Variants in WNT10B observed in about 807,000 individuals in gnomAD.
WNT10B encodes protein Wnt-10b.
A neutral mutation model predicts 32.7 loss-of-function variants in WNT10B; 26 were observed. The observed-to-expected ratio is 0.79, with a 90% confidence interval of 0.58 to 1.10. The LOEUF is 1.10. Ranked by LOEUF, WNT10B falls within the 50% of genes least tolerant of loss-of-function variation. The pLI is 0.00. For synonymous variants in WNT10B, 204 were observed against 220.4 expected (o/e 0.93, Z 0.66); for missense variants, 474 against 532.5 (o/e 0.89, Z 1.08).
At position 48,970,179 on chromosome 12, in the gene WNT10B, A is replaced by T; in HGVS notation, c.247T>A (p.Cys83Ser). 1 of 1,566,340 alleles carries T rather than the reference A, an allele frequency of 6.4e-7. No individual in the cohort carries two copies. Among genetic ancestry groups the T allele is most frequent in the Non-Finnish European group, 8.6e-7 (1 of 1,157,444 alleles). The change falls in exon 3 of 5, where the codon TGT becomes AGT. Residue 83 changes from cysteine (C) to serine (S), a missense_variant. Transcript: ENST00000301061. This position sits in a 1 kb window ranked among gnomAD's most constrained non-coding sequence, Gnocchi z 5.0. ...LQGLHIAVHE[C>S]QHQLRDQRWN... ...CGCTGGTCGCGCAGCTGGTGCTGACACTCGTGGACCGCGATGTGCAGACCC... is the reference window on the plus strand; with the variant it reads ...CGCTGGTCGCGCAGCTGGTGCTGACTCTCGTGGACCGCGATGTGCAGACCC...
In WNT10B at chr12:48,970,787, A is replaced by C; in HGVS notation, c.-40-218T>G. 1 of 585,154 alleles carries C rather than the reference A, an allele frequency of 1.7e-6. No individual in the cohort carries two copies. Among genetic ancestry groups the C allele is most frequent in the Non-Finnish European group, 3.0e-6 (1 of 328,902 alleles). The allele number at this position is 585,154 out of a possible 1,614,324, so 36.2% of individuals were successfully genotyped here. On this transcript the variant is annotated intron_variant, in intron 1 of 4. Transcript: ENST00000301061. This position sits in a 1 kb window ranked among gnomAD's most constrained non-coding sequence, Gnocchi z 5.0. ...AGTCAAGGCGTTGTCCCAGCTCAGG[A>C]CTCAAGCGAGCACCCCTGGAACCTT...
chr12:48,970,131 C>A lies in WNT10B; in HGVS notation c.295G>T (p.Gly99Cys). Residue 99 changes from glycine (G) to cysteine (C), a missense_variant, in exon 3 of 5, where the codon GGC becomes TGC. Gly to Cys is a radical substitution (Grantham distance 159). Transcript: ENST00000301061. This position sits in a 1 kb window ranked among gnomAD's most constrained non-coding sequence, Gnocchi z 5.0. ...CTGTGGTGCGGCAGGCGGCCGCCGCCCTCAAGCGCGGAGCAGTTCCAGCGC... is the reference window on the plus strand; with the variant it reads ...CTGTGGTGCGGCAGGCGGCCGCCGCACTCAAGCGCGGAGCAGTTCCAGCGC... ...DQRWNCSALEGGGRLPHHSAI... is the reference protein window; with the variant it reads ...DQRWNCSALECGGRLPHHSAI... 6.5e-7 allele frequency: 1 copy of A among 1,531,952 alleles called. No individual in the cohort carries two copies. Among genetic ancestry groups the A allele is most frequent in the Non-Finnish European group, 8.8e-7 (1 of 1,142,376 alleles). 94.9% of individuals were successfully genotyped at this position (1,531,952 alleles called of 1,614,324 possible). A position where few individuals can be genotyped will look rare whatever the true frequency, so the allele number is the denominator to read the frequency against.
chr12:48,967,269 G>A (rs770359311), intron 4 of WNT10B, among the ~76,000 whole-genome samples: 37 of 151,592 alleles, frequency 2.4e-4, no homozygotes, highest in Admixed American at 1.4e-3. Context: ...AGGTTCAAGC[G>A]ATTCTCCTGC....
In WNT10B at chr12:48,970,204, C is replaced by T; in HGVS notation, c.222G>A (p.Gln74=). The part of the protein sequence containing the change: ...RNPDVTASAL[Q]GLHIAVHECQ... ...ACTCGTGGACCGCGATGTGCAGACC[C>T]TGAAGCGCGGACGCCGTCACGTCGG... The change falls in exon 3 of 5, where the codon CAG becomes CAA. Residue 74 remains glutamine (Q), a synonymous_variant. Coordinates refer to ENST00000301061, the MANE Select transcript of WNT10B (RefSeq NM_003394.4). The surrounding 1 kb of genome is among the most constrained non-coding windows in gnomAD (Gnocchi z 5.0). The T allele has an allele frequency of 6.3e-7, 1 of 1,590,736 alleles. No individual in the cohort carries two copies. Among genetic ancestry groups the T allele is most frequent in the Non-Finnish European group, 8.6e-7 (1 of 1,169,046 alleles).
chr12:48,968,420 C>T lies in WNT10B; in HGVS notation c.338-101G>A. 3.9e-6 allele frequency: 6 copies of T among 1,537,658 alleles called. No individual in the cohort carries two copies. The South Asian group carries it at 7.0e-5, about 18-fold the overall frequency. On this transcript the variant is annotated intron_variant, in intron 3 of 4. Coordinates refer to ENST00000301061, the MANE Select transcript of WNT10B (RefSeq NM_003394.4). ...CAGCCCCCCTCCAACTCCAGAAATT[C>T]CTAACTGAATCCTGACCCTGCCATT...
In WNT10B at chr12:48,970,410, C is replaced by T. The variant is rs1952127516; in HGVS notation, c.74+46G>A. 1 of 1,613,774 alleles carries T rather than the reference C, an allele frequency of 6.2e-7. No individual in the cohort carries two copies. The highest frequency in any genetic ancestry group is 8.5e-7 in the Non-Finnish European group (1 of 1,179,930). On this transcript the variant is annotated intron_variant, in intron 2 of 4. Coordinates refer to ENST00000301061, the MANE Select transcript of WNT10B (RefSeq NM_003394.4). The surrounding 1 kb of genome is among the most constrained non-coding windows in gnomAD (Gnocchi z 5.0). ...CCAGACCCCTCCAACTCTCCCCACC[C>T]CGGGTCGGTGTTTCTATGGCCTGGG... is the stretch of plus-strand genomic sequence containing the variant.
Position 48,970,664 on chromosome 12 carries a change from C to G in WNT10B, c.-40-95G>C. On this transcript the variant is annotated intron_variant, in intron 1 of 4. Coordinates refer to ENST00000301061, the MANE Select transcript of WNT10B (RefSeq NM_003394.4). The surrounding 1 kb of genome is among the most constrained non-coding windows in gnomAD (Gnocchi z 5.0). ...TCTTCGGGCTCCTAACCCACCGGTG[C>G]CACCCTACTGACCCTTCTCATTCCT... 1.1e-6 allele frequency: 1 copy of G among 900,132 alleles called. No homozygotes were observed. The highest frequency in any genetic ancestry group is 2.6e-5 in the East Asian group (1 of 37,914). The allele number at this position is 900,132 out of a possible 1,614,324, so 55.8% of individuals were successfully genotyped here.
chr12:48,968,383 G>C, intron 3 of WNT10B, 64 bp from the exon 4 acceptor site: 4 of 1,596,018 alleles, frequency 2.5e-6, no homozygotes, highest in African/African-American at 1.3e-5. Flanking sequence ...TGTGGAGGCA[G>C]AAAGAAATAA....
chr12:48,968,402 C>T, intron 3 of WNT10B, 83 bp from the exon 4 acceptor site: 1 of 1,572,918 alleles, frequency 6.4e-7, no homozygotes, highest in Non-Finnish European at 8.6e-7. Flanking sequence ...AAACAGCCCC[C>T]CTCCAACTCC....
Position 48,970,560 on chromosome 12 carries a change from C to G in WNT10B, c.-31G>C. 6.4e-7 allele frequency: 1 copy of G among 1,559,396 alleles called. No individual in the cohort carries two copies. On this transcript the variant is annotated 5_prime_UTR_variant, in exon 2 of 5. Coordinates refer to ENST00000301061, the MANE Select transcript of WNT10B (RefSeq NM_003394.4). This position sits in a 1 kb window ranked among gnomAD's most constrained non-coding sequence, Gnocchi z 5.0. ...AGCCCGGAGGCTCCGGTGGGCAGAT[C>G]GATCAGGACCTGCGGGACGGGAGAC... is the stretch of plus-strand genomic sequence containing the variant.
At chr12:48,968,978 T>C (rs868188275) in intron 3 of WNT10B, 1 of 433,306 alleles carries the variant, frequency 2.3e-6, no homozygotes, top group Middle Eastern at 4.0e-4. Context: ...TATAAAACAC[T>C]GAGAGGAGGA....
Position 48,970,312 on chromosome 12 carries a change from G to A in WNT10B, c.114C>T (p.Gly38=), listed in dbSNP as rs773382996. The change falls in exon 3 of 5, where the codon GGC becomes GGT. Residue 38 remains glycine, a synonymous_variant. Transcript: ENST00000301061. This position sits in a 1 kb window ranked among gnomAD's most constrained non-coding sequence, Gnocchi z 5.0. The stretch of plus-strand genomic sequence containing the variant: ...CGGTGTTGGCCGTCAGCGGCGGCTC[G>A]CCAGGCAACTTCAGGCCCAGAATCT... ...SNEILGLKLP[G]EPPLTANTVC... The A allele has an allele frequency of 1.2e-6, 2 of 1,613,750 alleles. No homozygotes were observed. Among genetic ancestry groups the A allele is most frequent in the African/African-American group, 2.7e-5 (2 of 74,946 alleles).
rs192247666 is a variant in WNT10B, at chr12:48,968,275, C to T, written c.382G>A (p.Val128Ile). The T allele has an allele frequency of 6.2e-7, 1 of 1,606,170 alleles. No homozygotes were observed. The highest frequency in any genetic ancestry group is 1.7e-5 in the Admixed American group (1 of 60,032). ...AFSFSMLAAG[V>I]MHAVATACSL... Reference sequence around the variant, plus strand: ...CAGGCCGTGGCTACTGCGTGCATGACCCCAGCAGCCAGCATGGAGAAGGAA... The same window carrying T: ...CAGGCCGTGGCTACTGCGTGCATGATCCCAGCAGCCAGCATGGAGAAGGAA... The change falls in exon 4 of 5, where the codon GTC becomes ATC. Residue 128 changes from valine to isoleucine, a missense_variant. By Grantham distance (29) the Val-to-Ile change is conservative. Coordinates refer to ENST00000301061, the MANE Select transcript of WNT10B (RefSeq NM_003394.4).
chr12:48,965,822 G>A lies in WNT10B; in HGVS notation c.*273C>T, dbSNP rs1484018751. ...AAGGGGCTCTGGAGTTGAGAAGTGG[G>A]AGGAGCAATACAGTGCATTTCATCT... On this transcript the variant is annotated 3_prime_UTR_variant, in exon 5 of 5. Transcript: ENST00000301061. 5 of 479,808 alleles carry A rather than the reference G, an allele frequency of 1.0e-5. No individual in the cohort carries two copies. The highest frequency in any genetic ancestry group is 9.7e-5 in the African/African-American group (5 of 51,658). The allele number at this position is 479,808 out of a possible 1,614,324, so 29.7% of individuals were successfully genotyped here. A position where few individuals can be genotyped will look rare whatever the true frequency, so the allele number is the denominator to read the frequency against.
chr12:48,969,243 G>A lies in WNT10B; in HGVS notation c.337+846C>T, dbSNP rs542285468. On this transcript the variant is annotated intron_variant, in intron 3 of 4. Transcript: ENST00000301061. The stretch of plus-strand genomic sequence containing the variant: ...GCACCCGCTTAGAGACCAGGCCTCT[G>A]CTACCCCAGGATCTAGGGCTCCTGG... The A allele has an allele frequency of 2.9e-4, 125 of 424,986 alleles. 1 individual carries two copies. Among genetic ancestry groups the A allele is most frequent in the South Asian group, 2.1e-3 (118 of 57,288 alleles). 26.3% of individuals were successfully genotyped at this position (424,986 alleles called of 1,614,324 possible).
At position 48,970,305 on chromosome 12, in the gene WNT10B, G is replaced by A. The variant is rs1195800725; in HGVS notation, c.121C>T (p.Pro41Ser). 6.2e-7 allele frequency: 1 copy of A among 1,613,902 alleles called. No individual in the cohort carries two copies. Among genetic ancestry groups the A allele is most frequent in the Non-Finnish European group, 8.5e-7 (1 of 1,179,948 alleles). The change falls in exon 3 of 5, where the codon CCG becomes TCG. Residue 41 changes from proline (P) to serine (S), a missense_variant. Pro to Ser is a moderately conservative substitution (Grantham distance 74). Coordinates refer to ENST00000301061, the MANE Select transcript of WNT10B (RefSeq NM_003394.4). The surrounding 1 kb of genome is among the most constrained non-coding windows in gnomAD (Gnocchi z 5.0). ...AAGCACACGGTGTTGGCCGTCAGCG[G>A]CGGCTCGCCAGGCAACTTCAGGCCC... ...ILGLKLPGEP[P>S]LTANTVCLTL...
chr12:48,968,036 CT>C lies in WNT10B; in HGVS notation c.620del (p.Glu207GlyfsTer33). Reference sequence around the variant, plus strand: ...AATCCAAGAAATCCCGAGAGAACTTCTCTCCAAAGTCCATGTCATGGTTACA... The same window carrying C: ...AATCCAAGAAATCCCGAGAGAACTTCCTCCAAAGTCCATGTCATGGTTACA... ...GGCNHDMDFG[E>X]KFSRDFLDSR... is the part of the protein sequence containing the mutation. On this transcript the variant is annotated frameshift_variant, in exon 4 of 5. Coordinates refer to ENST00000301061, the MANE Select transcript of WNT10B (RefSeq NM_003394.4). LOFTEE classifies it high-confidence loss of function. 3 of 1,614,170 alleles carry C rather than the reference CT, an allele frequency of 1.9e-6. No homozygotes were observed. The East Asian group carries it at 6.7e-5, about 36-fold the overall frequency.
intron 3 of WNT10B, 138 bp from the exon 4 acceptor site, chr12:48,968,457 T>A: frequency 1.4e-6 from 2 of 1,381,396 alleles, no homozygotes; most frequent in Non-Finnish European, 9.9e-7. Flanking sequence ...ACCAGCTGAG[T>A]GATTTGGAGG....
chr12:48,966,485 T>G lies in WNT10B; in HGVS notation c.780A>C (p.Thr260=). 1 of 1,614,034 alleles carries G rather than the reference T, an allele frequency of 6.2e-7. No homozygotes were observed. The highest frequency in any genetic ancestry group is 1.6e-4 in the Middle Eastern group (1 of 6,062). Residue 260 remains threonine (T), a synonymous_variant, in exon 5 of 5, where the codon ACA becomes ACC. Coordinates refer to ENST00000301061, the MANE Select transcript of WNT10B (RefSeq NM_003394.4). The stretch of plus-strand genomic sequence containing the variant: ...GGAACTCTGGGGCCGCCCTCCAGCA[T>G]GTCTTGAACTGGCAGCTGCCTGATG... The part of the protein sequence containing the change: ...HGTSGSCQFK[T]CWRAAPEFRA...
Sources: allele counts gnomAD v4.1 joint callset (sites outside exome capture counted in the v4.1 genomes callset), GRCh38; gene constraint gnomAD v4.1.1; non-coding constraint Gnocchi (gnomAD v3.1); transcripts MANE v1.5; gene names NCBI Gene and HGNC (gene_info 2026-07-23, HGNC 2026-07-21).